Variants in CEP78 observed in about 807,000 individuals in gnomAD.
CEP78 encodes centrosomal protein 78.
A neutral mutation model predicts 81.2 loss-of-function variants in CEP78; 76 were observed. The observed-to-expected ratio is 0.94, with a 90% CI of 0.78 to 1.13. The LOEUF (loss-of-function observed/expected upper bound fraction) is 1.13. Among genes scored for constraint, CEP78 ranks in the 50% most tolerant of loss-of-function variants. The pLI, the probability that CEP78 is intolerant of heterozygous loss-of-function variation, is 0.00. For synonymous variants in CEP78, 293 were observed against 301.4 expected, an observed-to-expected ratio of 0.97 and a Z score of 0.29; for missense variants, 918 against 846.8, an observed-to-expected ratio of 1.08 and a Z score of -1.04.
intron 11 of CEP78, among the ~76,000 whole-genome samples, chr9:78,261,069 G>A (rs974393955): frequency 2.6e-5 from 4 of 151,942 alleles, no homozygotes; most frequent in Non-Finnish European, 5.9e-5. Context: ...TCCTGCCTCC[G>A]CCTCCCGAGT....
intron 1 of CEP78, among the ~76,000 whole-genome samples, chr9:78,236,997 T>TG (rs981615314): frequency 7.9e-6 from 1 of 126,396 alleles, no homozygotes; most frequent in Non-Finnish European, 1.6e-5. Flanking sequence ...TTTTTTTTTT[T>TG]TGAGACACTG....
At chr9:78,249,574 T>A (rs927691150) in intron 8 of CEP78, 3 of 152,138 alleles carry the variant, frequency 2.0e-5, no homozygotes, top group African/African-American at 7.2e-5. Context: ...ATAAACTGTT[T>A]ATCAGCTAAT....
rs976995147 is a variant in CEP78 at position 78,264,371 on chromosome 9, G to A, written c.1625+55G>A. On this transcript the variant is annotated intron_variant, in intron 13 of 16. Coordinates refer to ENST00000643273, the MANE Select transcript of CEP78 (RefSeq NM_001330691.3). ...CCCTCCATGACTTTAATGGTGTTTTGCTGAGGAACTTGAGCAATTTTTATA... is the reference window on the plus strand; with the variant it reads ...CCCTCCATGACTTTAATGGTGTTTTACTGAGGAACTTGAGCAATTTTTATA... 11 of 1,516,678 alleles carry A rather than the reference G, an allele frequency of 7.3e-6. No homozygotes were observed. In the South Asian group the frequency reaches 8.2e-5, roughly 11 times the overall value. The allele number at this position is 1,516,678 out of a possible 1,614,324, so 94.0% of individuals were successfully genotyped here. A position where few individuals can be genotyped will look rare whatever the true frequency, so the allele number is the denominator to read the frequency against.
intron 4 of CEP78, among the ~76,000 whole-genome samples, chr9:78,242,336 T>C (rs1357531171): frequency 6.6e-6 from 1 of 152,184 alleles, no homozygotes; most frequent in African/African-American, 2.4e-5. Flanking sequence ...TGAAAATGTT[T>C]ATTTTGGGGC....
rs1334898335 is a variant in CEP78, at chr9:78,240,285, A to T, written c.427-7A>T. ...ATAACATTTTTAACTTTTCCCCCTC[A>T]TTAAAGGGATTGAATAAATCGGCTT... On this transcript the variant is annotated splice_polypyrimidine_tract_variant and splice_region_variant and intron_variant, in intron 2 of 16. Coordinates refer to ENST00000643273, the MANE Select transcript of CEP78 (RefSeq NM_001330691.3). The T allele has an allele frequency of 6.2e-7, 1 of 1,605,500 alleles. No individual in the cohort carries two copies. The highest frequency in any genetic ancestry group is 1.7e-5 in the Admixed American group (1 of 58,640).
intron 16 of CEP78, among the ~76,000 whole-genome samples, chr9:78,269,596 C>T (rs1827646093): frequency 6.6e-6 from 1 of 152,178 alleles, no homozygotes; most frequent in Non-Finnish European, 1.5e-5. Context: ...AATACAGTGT[C>T]ACATGGCAGA....
chr9:78,243,382 A>C, intron 4 of CEP78, 80 bp from the exon 5 acceptor site: 3 of 1,172,172 alleles, frequency 2.6e-6, no homozygotes, highest in African/African-American at 3.1e-5. Context: ...GCTCTGATGT[A>C]ATCAGCTGTA....
chr9:78,237,201 G>A lies in CEP78; in HGVS notation c.253+598G>A, dbSNP rs373553917. On this transcript the variant is annotated intron_variant, in intron 1 of 16. Transcript: ENST00000643273. ...TCACCATGTTAGCCAGGCTGGTCTC[G>A]AACTCCTGACCTCAGGTGATCCGCC... Among the ~76,000 whole-genome samples, 11 of 151,676 alleles carry A rather than the reference G, an allele frequency of 7.3e-5. No homozygotes were observed. The East Asian group carries it at 2.0e-3, about 27-fold the overall frequency.
intron 11 of CEP78, among the ~76,000 whole-genome samples, chr9:78,258,290 C>A (rs1463830339): frequency 1.3e-5 from 2 of 152,154 alleles, no homozygotes; most frequent in African/African-American, 4.8e-5. Flanking sequence ...CTCTTAAACA[C>A]TGATCTATCT....
chr9:78,240,244 A>T, intron 2 of CEP78, 48 bp from the exon 3 acceptor site: 1 of 1,612,450 alleles, frequency 6.2e-7, no homozygotes. Context: ...TTGCTTTTAG[A>T]GGAAAAAAAA....
At chr9:78,242,097 A>G (rs372952900) in intron 4 of CEP78, among the ~76,000 whole-genome samples, 2 of 152,338 alleles carry the variant, frequency 1.3e-5, no homozygotes, top group African/African-American at 4.8e-5. Context: ...TTACTACTGT[A>G]TTTAGGATAA....
At chr9:78,244,598 G>C (rs1826394541) in intron 5 of CEP78, among the ~76,000 whole-genome samples, 1 of 152,158 alleles carries the variant, frequency 6.6e-6, no homozygotes, top group Non-Finnish European at 1.5e-5. Context: ...TTACAAAAAT[G>C]AGAACTCCCC....
At chr9:78,240,386 C>T in intron 3 of CEP78, 22 bp downstream of exon 3, 1 of 1,542,890 alleles carries the variant, frequency 6.5e-7, no homozygotes, top group South Asian at 1.2e-5. Context: ...TCTCATTTAA[C>T]TCTTGTCCTA....
In CEP78 at chr9:78,246,670, T is replaced by C. The variant is rs759980986; in HGVS notation, c.780T>C (p.Ala260=). The C allele has an allele frequency of 6.3e-7, 1 of 1,585,238 alleles. No individual in the cohort carries two copies. The highest frequency in any genetic ancestry group is 1.4e-5 in the African/African-American group (1 of 73,182). ...DSLSEDLWLR[A]LDLQQCGLTN... ...TGACCCTTTGTCTTTCATCGAAAGC[T>C]CTTGACCTGCAACAGTGCGGCCTCA... is the stretch of plus-strand genomic sequence containing the variant. The change falls in exon 6 of 17, where the codon GCT becomes GCC. Residue 260 remains alanine (A), a splice_region_variant and synonymous_variant. Transcript: ENST00000643273.
At chr9:78,241,653 A>G (rs773016873) in intron 3 of CEP78, 43 bp from the exon 4 acceptor site, 3 of 885,432 alleles carry the variant, frequency 3.4e-6, no homozygotes, top group African/African-American at 3.4e-5. Context: ...TAGGTTGTAT[A>G]TGCTCTTCAT....
intron 3 of CEP78, 28 bp from the exon 4 acceptor site, chr9:78,241,668 T>C (rs1283761285): frequency 9.3e-7 from 1 of 1,075,554 alleles, no homozygotes; most frequent in Middle Eastern, 2.0e-4. Context: ...CTTCATCTTA[T>C]TGTATGTGGT....
rs1031255915 is a variant in CEP78 at position 78,278,465 on chromosome 9, C to T, written c.*7614C>T. ...CCTGGCCCCACCTTCCTTGTGTGCA[C>T]GTATAATTAATGGAAAATTGCATCA... On this transcript the variant is annotated 3_prime_UTR_variant, in exon 17 of 17. Transcript: ENST00000643273. 2 of 152,184 alleles carry T rather than the reference C, an allele frequency of 1.3e-5. No individual in the cohort carries two copies. The highest frequency in any genetic ancestry group is 2.9e-5 in the Non-Finnish European group (2 of 68,022). 9.4% of individuals were successfully genotyped at this position (152,184 alleles called of 1,614,324 possible).
intron 8 of CEP78, among the ~76,000 whole-genome samples, chr9:78,251,131 T>A (rs899995525): frequency 2.6e-5 from 4 of 152,218 alleles, no homozygotes; most frequent in African/African-American, 9.6e-5. Flanking sequence ...TAGGTCTAGC[T>A]TTTACTACCA....
intron 11 of CEP78, among the ~76,000 whole-genome samples, chr9:78,259,901 T>C (rs1389391837): frequency 6.6e-6 from 1 of 152,240 alleles, no homozygotes; most frequent in Non-Finnish European, 1.5e-5. Context: ...GACAGTAACC[T>C]TTTATCTATT....
Sources: gnomAD v4.1 joint callset for allele counts (sites outside exome capture counted in the v4.1 genomes callset) on GRCh38, gnomAD v4.1.1 for gene constraint, MANE v1.5 for transcripts, NCBI Gene and HGNC (gene_info 2026-07-23, HGNC 2026-07-21) for gene names.